FUT8: variants seen among roughly 807,000 people sequenced by gnomAD.
FUT8 encodes the protein alpha-(1,6)-fucosyltransferase.
FUT8 carries 29 observed loss-of-function variants against 71.3 expected under a neutral mutation model. The observed-to-expected ratio is 0.41, with a 90% CI of 0.30 to 0.55. FUT8 has a LOEUF of 0.55. FUT8 is among the 20% of genes least tolerant of loss of function. FUT8 has a pLI of 0.34. For synonymous variants in FUT8, 254 were observed against 239.3 expected, an observed-to-expected ratio of 1.06 and a Z score of -0.57; for missense variants, 544 against 702.1, an observed-to-expected ratio of 0.77 and a Z score of 2.55.
intron 2 of FUT8, among the ~76,000 whole-genome samples, chr14:65,482,979 C>T (rs1225475664): frequency 2.0e-5 from 3 of 152,178 alleles, no homozygotes; most frequent in Non-Finnish European, 4.4e-5. Flanking sequence ...CATTATCAGG[C>T]TTCTGCAGTG....
intron 1 of FUT8, among the ~76,000 whole-genome samples, chr14:65,423,462 C>T (rs2065332920): frequency 6.6e-6 from 1 of 152,012 alleles, no homozygotes; most frequent in Non-Finnish European, 1.5e-5. Flanking sequence ...TGGGGTTTCA[C>T]AGTGTTAGTC....
intron 6 of FUT8, among the ~76,000 whole-genome samples, chr14:65,649,475 G>A (rs1891261737): frequency 3.3e-5 from 5 of 152,164 alleles, no homozygotes. Context: ...CATGTGAGAT[G>A]GTTGATTATG....
At chr14:65,480,972 G>C (rs941164197) in intron 2 of FUT8, among the ~76,000 whole-genome samples, 1 of 152,152 alleles carries the variant, frequency 6.6e-6, no homozygotes, top group Non-Finnish European at 1.5e-5. Flanking sequence ...TTATAGGCAT[G>C]ACCATCGTTT....
chr14:65,639,728 T>G (rs1411423914), intron 6 of FUT8, among the ~76,000 whole-genome samples: 3 of 152,146 alleles, frequency 2.0e-5, no homozygotes, highest in African/African-American at 7.2e-5. Context: ...TGGACCCTTT[T>G]GTCCTCATCA....
chr14:65,478,034 G>A (rs554528959), intron 2 of FUT8, among the ~76,000 whole-genome samples: 40 of 152,106 alleles, frequency 2.6e-4, no homozygotes, highest in Non-Finnish European at 4.7e-4. Context: ...AACCAGGTCT[G>A]TAAAATGTTG....
intron 2 of FUT8, among the ~76,000 whole-genome samples, chr14:65,534,052 A>G (rs994361347): frequency 6.6e-5 from 10 of 152,140 alleles, no homozygotes; most frequent in Non-Finnish European, 1.5e-5. Context: ...AGATTTTTGC[A>G]TCAGTGTTCA....
chr14:65,387,935 A>T, the FUT8 span, among the ~76,000 whole-genome samples: 1 of 152,162 alleles, frequency 6.6e-6, no homozygotes, highest in Admixed American at 6.5e-5. Flanking sequence ...TGTTTAACCA[A>T]TTTTGTGTCA....
intron 2 of FUT8, among the ~76,000 whole-genome samples, chr14:65,531,106 A>G (rs993202608): frequency 1.3e-5 from 2 of 151,690 alleles, no homozygotes; most frequent in Non-Finnish European, 2.9e-5. Context: ...AATTGTAAGC[A>G]GAATGCTAAT....
intron 3 of FUT8, among the ~76,000 whole-genome samples, chr14:65,578,228 G>C (rs1306861538): frequency 2.0e-5 from 3 of 152,074 alleles, no homozygotes; most frequent in East Asian, 1.9e-4. Flanking sequence ...CTGAGCTGAT[G>C]ATGACTTCAA....
intron 5 of FUT8, among the ~76,000 whole-genome samples, chr14:65,628,543 A>T (rs1015382733): frequency 6.6e-6 from 1 of 152,196 alleles, no homozygotes; most frequent in African/African-American, 2.4e-5. Context: ...AATTAGCTAT[A>T]AATTTGCTGA....
chr14:65,565,383 CT>C (rs757245557), intron 3 of FUT8, among the ~76,000 whole-genome samples: 190 of 145,038 alleles, frequency 1.3e-3, no homozygotes, highest in Middle Eastern at 7.1e-3. Context: ...AGATATATCA[CT>C]TTTTTTTTTT....
the FUT8 span, among the ~76,000 whole-genome samples, chr14:65,384,895 C>CTTTTT: frequency 0.12 from 17,151 of 142,656 alleles, 1,401 homozygotes; most frequent in East Asian, 0.42. The surrounding 1 kb of genome is among the most constrained non-coding windows in gnomAD (Gnocchi z 4.2). Flanking sequence ...AGGTTAGATA[C>CTTTTT]TTTTTTTTTT....
At chr14:65,425,083 A>T (rs956867900) in intron 1 of FUT8, among the ~76,000 whole-genome samples, 1 of 152,216 alleles carries the variant, frequency 6.6e-6, no homozygotes, top group African/African-American at 2.4e-5. Flanking sequence ...TGGACCCTCA[A>T]AATTCAAACC....
chr14:65,554,796 T>C (rs1885500299), intron 2 of FUT8, among the ~76,000 whole-genome samples: 1 of 152,142 alleles, frequency 6.6e-6, no homozygotes, highest in Non-Finnish European at 1.5e-5. Context: ...TTTTAGCAGG[T>C]CTTTGGATGC....
In FUT8 at chr14:65,665,196, A is replaced by G. The variant is rs139587642; in HGVS notation, c.598-4047A>G. 6.6e-5 allele frequency among the ~76,000 whole-genome samples: 10 copies of G among 152,298 alleles called. No homozygotes were observed. In the East Asian group the frequency reaches 1.7e-3, roughly 26 times the overall value. Reference sequence around the variant, plus strand: ...CTCTACTCAGTGGCTTTTACTTCATAATGAAAAAGTAGATTTGGTTGTAAT... The same window carrying G: ...CTCTACTCAGTGGCTTTTACTTCATGATGAAAAAGTAGATTTGGTTGTAAT... On this transcript the variant is annotated intron_variant, in intron 6 of 10. Coordinates refer to ENST00000673929, the MANE Select transcript of FUT8 (RefSeq NM_001371533.1).
intron 7 of FUT8, among the ~76,000 whole-genome samples, chr14:65,698,861 G>T (rs1894133746): frequency 6.6e-6 from 1 of 152,066 alleles, no homozygotes; most frequent in Admixed American, 6.5e-5. Context: ...AAATGAATAG[G>T]TTTATGTTTA....
At chr14:65,548,125 T>C (rs1241062633) in intron 2 of FUT8, among the ~76,000 whole-genome samples, 5 of 152,070 alleles carry the variant, frequency 3.3e-5, no homozygotes, top group Non-Finnish European at 4.4e-5. Flanking sequence ...ATTATTAGAC[T>C]GGATTCATGG....
chr14:65,696,644 C>T (rs1224122653), intron 7 of FUT8, among the ~76,000 whole-genome samples: 1 of 151,988 alleles, frequency 6.6e-6, no homozygotes, highest in Admixed American at 6.6e-5. Flanking sequence ...AATTCTCAGG[C>T]ATTATTATTT....
At chr14:65,520,261 GT>G (rs1882991322) in intron 2 of FUT8, among the ~76,000 whole-genome samples, 1 of 151,940 alleles carries the variant, frequency 6.6e-6, no homozygotes, top group African/African-American at 2.4e-5. Context: ...AAGTTTTTAA[GT>G]TTTTTTGTAT....
Sources: allele counts gnomAD v4.1 joint callset (sites outside exome capture counted in the v4.1 genomes callset), GRCh38; gene constraint gnomAD v4.1.1; non-coding constraint Gnocchi (gnomAD v3.1); transcripts MANE v1.5; gene names NCBI Gene and HGNC (gene_info 2026-07-23, HGNC 2026-07-21).